The following KLF12 variants were observed in gnomAD, a reference collection of about 807,000 sequenced individuals.
KLF12 encodes KLF transcription factor 12.
In KLF12, 9 loss-of-function variants were observed where a neutral mutation model predicts 37.8. The observed-to-expected ratio is 0.24, with a 90% confidence interval of 0.14 to 0.42. The LOEUF (loss-of-function observed/expected upper bound fraction) is 0.42. Ranked by LOEUF, KLF12 falls within the 10% of genes least tolerant of loss-of-function variation. KLF12 has a pLI of 1.00. For missense variants in KLF12, 411 were observed against 516.0 expected (o/e 0.80, Z 1.97); for synonymous variants, 208 against 202.1 (o/e 1.03, Z -0.25).
chr13:73,900,787 G>A (rs2139083265), intron 3 of KLF12, among the ~76,000 whole-genome samples: 1 of 152,154 alleles, frequency 6.6e-6, no homozygotes, highest in African/African-American at 2.4e-5. Flanking sequence ...TGGCTCACTA[G>A]ATGTATTCCT....
chr13:73,808,295 T>C (rs1163594240), intron 5 of KLF12, among the ~76,000 whole-genome samples: 1 of 152,012 alleles, frequency 6.6e-6, no homozygotes, highest in Non-Finnish European at 1.5e-5. Context: ...TCTATTACAA[T>C]TGAAATAGAA....
chr13:73,767,722 T>C (rs1293955934), intron 5 of KLF12, among the ~76,000 whole-genome samples: 2 of 152,238 alleles, frequency 1.3e-5, no homozygotes, highest in East Asian at 3.8e-4. Flanking sequence ...TTAATTTAGC[T>C]TTCTTGCTAA....
rs1243539206 is a variant in KLF12 at position 74,084,027 on chromosome 13, TAAAGTGTAACAGAATAA to T, written c.-32+49695_-32+49711del. ...CAAGATTTCTTATAGCATAGAATCA[TAAAGTGTAACAGAATAA>T]TTTAAATAATAAAATCATCTATTTT... On this transcript the variant is annotated intron_variant, in intron 1 of 7. Coordinates refer to ENST00000377669, the MANE Select transcript of KLF12 (RefSeq NM_007249.5). Among the ~76,000 whole-genome samples, 6 of 152,280 alleles carry T rather than the reference TAAAGTGTAACAGAATAA, an allele frequency of 3.9e-5. No homozygotes were observed. In the East Asian group the frequency reaches 1.2e-3, roughly 29 times the overall value.
At chr13:74,190,860 T>TTC in the KLF12 span, among the ~76,000 whole-genome samples, 2 of 152,218 alleles carry the variant, frequency 1.3e-5, no homozygotes, top group Non-Finnish European at 2.9e-5. Flanking sequence ...TATCAACTCT[T>TTC]TCTTCTCCTT....
At position 73,824,055 on chromosome 13, in the gene KLF12, A is replaced by G. The variant is rs146871572; in HGVS notation, c.671-10768T>C. Among the ~76,000 whole-genome samples the G allele has an allele frequency of 5.4e-3, 823 of 152,096 alleles. 3 individuals carry two copies. Among genetic ancestry groups the G allele is most frequent in the Middle Eastern group, 0.017 (5 of 294 alleles). On this transcript the variant is annotated intron_variant, in intron 4 of 7. Coordinates refer to ENST00000377669, the MANE Select transcript of KLF12 (RefSeq NM_007249.5). ...TCCTCCTCTGGCTTCAGGGATGGAC[A>G]CATTTGTCCCTACACCCTGAACACG... is the stretch of plus-strand genomic sequence containing the variant.
intron 1 of KLF12, among the ~76,000 whole-genome samples, chr13:74,060,994 G>T (rs566859719): frequency 6.6e-6 from 1 of 152,312 alleles, no homozygotes; most frequent in East Asian, 1.9e-4. Flanking sequence ...GCTAAGTCTA[G>T]ACCTTGGTCC....
chr13:73,945,792 T>C (rs1031568767), intron 2 of KLF12, among the ~76,000 whole-genome samples: 3 of 152,224 alleles, frequency 2.0e-5, no homozygotes, highest in Non-Finnish European at 2.9e-5. Flanking sequence ...ACTGGCAGGA[T>C]ACTTTTTAAA....
the KLF12 span, among the ~76,000 whole-genome samples, chr13:74,201,922 G>A: frequency 6.6e-6 from 1 of 152,154 alleles, no homozygotes; most frequent in Admixed American, 6.6e-5. Flanking sequence ...TGGTGGCCCT[G>A]TGTTTCCTTA....
the KLF12 span, among the ~76,000 whole-genome samples, chr13:74,166,988 T>C: frequency 2.0e-5 from 3 of 152,242 alleles, no homozygotes; most frequent in African/African-American, 7.2e-5. Flanking sequence ...TTTGTAATCA[T>C]GCAGAAGCAA....
At chr13:74,013,791 CATAAA>C (rs1477091127) in intron 1 of KLF12, among the ~76,000 whole-genome samples, 4 of 151,762 alleles carry the variant, frequency 2.6e-5, no homozygotes, top group African/African-American at 9.7e-5. Context: ...TCAAAAGTCA[CATAAA>C]ATAAAGCAAA....
chr13:74,265,594 G>T, the KLF12 span, among the ~76,000 whole-genome samples: 1 of 152,110 alleles, frequency 6.6e-6, no homozygotes, highest in South Asian at 2.1e-4. Flanking sequence ...TAGAAGAATG[G>T]CACTGTGGTT....
At chr13:74,172,338 G>C in the KLF12 span, among the ~76,000 whole-genome samples, 42 of 152,278 alleles carry the variant, frequency 2.8e-4, no homozygotes, top group Non-Finnish European at 5.0e-4. Context: ...TATTGGGAAA[G>C]AGGCTTTCAG....
chr13:73,973,374 AT>A (rs1283337943), intron 2 of KLF12, among the ~76,000 whole-genome samples: 1 of 152,238 alleles, frequency 6.6e-6, no homozygotes, highest in East Asian at 1.9e-4. Flanking sequence ...GCATGCCTTT[AT>A]ACTAAGTTCA....
At chr13:73,883,434 T>C (rs1001631992) in intron 3 of KLF12, among the ~76,000 whole-genome samples, 3 of 152,124 alleles carry the variant, frequency 2.0e-5, no homozygotes, top group African/African-American at 7.2e-5. Flanking sequence ...CCAATCAAGG[T>C]AGCACGTGGT....
At chr13:73,869,655 ATAATAT>A (rs1365318911) in intron 3 of KLF12, among the ~76,000 whole-genome samples, 1 of 151,718 alleles carries the variant, frequency 6.6e-6, no homozygotes, top group Non-Finnish European at 1.5e-5. Flanking sequence ...CTGAGTATAT[ATAATAT>A]ACTCAGCATA....
chr13:73,962,502 C>T (rs903955117), intron 2 of KLF12, among the ~76,000 whole-genome samples: 1 of 152,176 alleles, frequency 6.6e-6, no homozygotes, highest in Non-Finnish European at 1.5e-5. Context: ...GATGTGTCAA[C>T]GTAGGTTCAT....
chr13:73,738,116 T>TATACACACACACAC, intron 6 of KLF12, among the ~76,000 whole-genome samples: 1 of 66,586 alleles, frequency 1.5e-5, no homozygotes, highest in Non-Finnish European at 2.9e-5. Context: ...TATATATATA[T>TATACACACACACAC]ATATATATAC....
the KLF12 span, among the ~76,000 whole-genome samples, chr13:74,253,669 A>G: frequency 9.9e-3 from 1,504 of 152,356 alleles, 29 homozygotes; most frequent in African/African-American, 0.034. Flanking sequence ...TAGAGCACAT[A>G]GAGCTATCTA....
At chr13:74,231,979 G>C in the KLF12 span, among the ~76,000 whole-genome samples, 1 of 151,958 alleles carries the variant, frequency 6.6e-6, no homozygotes, top group Non-Finnish European at 1.5e-5. Flanking sequence ...ATTTAGTTTT[G>C]GGGGGTCTGA....
Sources: allele counts gnomAD v4.1 joint callset (sites outside exome capture counted in the v4.1 genomes callset), GRCh38; gene constraint gnomAD v4.1.1; transcripts MANE v1.5; gene names NCBI Gene and HGNC (gene_info 2026-07-23, HGNC 2026-07-21).